Variants in BPTF observed in about 807,000 individuals in gnomAD.
BPTF encodes bromodomain PHD finger transcription factor, also known as nucleosome-remodeling factor subunit BPTF.
In BPTF, 18 loss-of-function variants were observed where a neutral mutation model predicts 292.5. That is an observed-to-expected ratio of 0.06 (90% CI 0.04 to 0.09). The LOEUF (loss-of-function observed/expected upper bound fraction) is 0.09. Ranked by LOEUF, BPTF falls within the 10% of genes least tolerant of loss-of-function variation. The probability of loss-of-function intolerance (pLI) is 1.00; values close to 1 mark genes in which losing one functional copy is unlikely to be tolerated. For synonymous variants in BPTF, 1,225 were observed against 1,251.9 expected (o/e 0.98, Z 0.45); for missense variants, 2,726 against 3,498.7 (o/e 0.78, Z 5.57).
chr17:67,975,518 G>T (rs1290517350), intron 26 of BPTF: 2 of 345,740 alleles, frequency 5.8e-6, no homozygotes, highest in Non-Finnish European at 1.0e-5. Context: ...AATGAAGAAC[G>T]GTTCTGTGCA....
Position 67,972,624 on chromosome 17 carries a change from G to A in BPTF, c.8540-3148G>A, listed in dbSNP as rs184504300. Among the ~76,000 whole-genome samples, 44 of 152,026 alleles carry A rather than the reference G, an allele frequency of 2.9e-4. 1 individual carries two copies. In the South Asian group the frequency reaches 4.4e-3, roughly 15 times the overall value. ...ATATGGTAGTTTTTAACATTTTTTGGAGTCATATCTATTAATCATTATAAA... is the reference window on the plus strand; with the variant it reads ...ATATGGTAGTTTTTAACATTTTTTGAAGTCATATCTATTAATCATTATAAA... On this transcript the variant is annotated intron_variant, in intron 26 of 27. Transcript: ENST00000306378.
rs552273815 is a variant in BPTF, at chr17:67,922,688, T to C, written c.5558-152T>C. 12 of 789,060 alleles carry C rather than the reference T, an allele frequency of 1.5e-5. No homozygotes were observed. The East Asian group carries it at 3.1e-4, about 20-fold the overall frequency. 48.9% of individuals were successfully genotyped at this position (789,060 alleles called of 1,614,324 possible). A position where few individuals can be genotyped will look rare whatever the true frequency, so the allele number is the denominator to read the frequency against. On this transcript the variant is annotated intron_variant, in intron 13 of 27. Transcript: ENST00000306378. ...CACTTACGTATTGTCTTTGGCTGCT[T>C]TCATGATACAAAGGCACAGCTGAGT...
intron 4 of BPTF, among the ~76,000 whole-genome samples, chr17:67,878,378 A>G (rs2060176036): frequency 6.6e-6 from 1 of 152,186 alleles, no homozygotes; most frequent in Non-Finnish European, 1.5e-5. Context: ...TTGTGCACAT[A>G]CATGTGCATT....
chr17:67,964,517 C>G (rs1280960060), intron 25 of BPTF, 113 bp downstream of exon 25: 1 of 1,291,218 alleles, frequency 7.7e-7, no homozygotes, highest in Non-Finnish European at 1.0e-6. Context: ...TGACTCCCAG[C>G]TAGTCTAGTG....
intron 1 of BPTF, among the ~76,000 whole-genome samples, chr17:67,826,604 C>G (rs956775297): frequency 5.7e-4 from 75 of 130,918 alleles, no homozygotes; most frequent in Non-Finnish European, 6.5e-4. Flanking sequence ...CCCTTTTTTT[C>G]CTCTTCAAAA....
chr17:67,836,459 C>T (rs1206750199), intron 1 of BPTF, among the ~76,000 whole-genome samples: 1 of 152,088 alleles, frequency 6.6e-6, no homozygotes, highest in Non-Finnish European at 1.5e-5. Flanking sequence ...TTCAGAAATG[C>T]ATGTATTAAT....
chr17:67,834,563 T>G (rs1487907248), intron 1 of BPTF, among the ~76,000 whole-genome samples: 4 of 152,162 alleles, frequency 2.6e-5, no homozygotes, highest in African/African-American at 7.2e-5. Context: ...GCAATCTTCA[T>G]GTATTTTGAG....
At chr17:67,882,476 C>T (rs1474920694) in intron 4 of BPTF, among the ~76,000 whole-genome samples, 2 of 152,190 alleles carry the variant, frequency 1.3e-5, no homozygotes, top group African/African-American at 4.8e-5. Context: ...GTTCCAGCAA[C>T]AGTAATTCAG....
Position 67,825,624 on chromosome 17 carries a change from G to T in BPTF, c.-101G>T. On this transcript the variant is annotated 5_prime_UTR_variant, in exon 1 of 28. Coordinates refer to ENST00000306378, the MANE Select transcript of BPTF (RefSeq NM_182641.4). ...TCCGTCGGCCGGGCCCCTCCCGCCC[G>T]GCCCCGCGGGCCTCCCCACCCGGCC... 2 of 171,242 alleles carry T rather than the reference G, an allele frequency of 1.2e-5. No individual in the cohort carries two copies. The highest frequency in any genetic ancestry group is 6.5e-5 in the South Asian group (2 of 30,600). 10.6% of individuals were successfully genotyped at this position (171,242 alleles called of 1,614,324 possible). A position where few individuals can be genotyped will look rare whatever the true frequency, so the allele number is the denominator to read the frequency against.
At chr17:67,837,457 G>A (rs2057221214) in intron 1 of BPTF, among the ~76,000 whole-genome samples, 1 of 151,840 alleles carries the variant, frequency 6.6e-6, no homozygotes. Context: ...GCCCAGGCTG[G>A]AGTGCAGTGG....
chr17:67,876,086 C>T (rs1258459085), intron 4 of BPTF, among the ~76,000 whole-genome samples: 1 of 152,100 alleles, frequency 6.6e-6, no homozygotes, highest in Non-Finnish European at 1.5e-5. Context: ...TCTGACCTTT[C>T]CAGTTCTGTA....
At chr17:67,931,785 A>G in intron 17 of BPTF, 126 bp from the exon 18 acceptor site, 1 of 618,978 alleles carries the variant, frequency 1.6e-6, no homozygotes, top group Non-Finnish European at 2.6e-6. Flanking sequence ...GTAATGTTCA[A>G]GAGCCCCTGT....
intron 4 of BPTF, among the ~76,000 whole-genome samples, chr17:67,883,132 G>A (rs1406644394): frequency 6.6e-6 from 1 of 151,896 alleles, no homozygotes; most frequent in Non-Finnish European, 1.5e-5. Flanking sequence ...GGCCATTATA[G>A]TGAAACCCTG....
intron 1 of BPTF, among the ~76,000 whole-genome samples, chr17:67,842,864 A>G (rs2057672402): frequency 6.6e-6 from 1 of 150,802 alleles, no homozygotes; most frequent in African/African-American, 2.4e-5. Context: ...AGAAAATCTA[A>G]GAGAATGTGT....
At chr17:67,917,898 A>G (rs945400000) in intron 11 of BPTF, among the ~76,000 whole-genome samples, 1 of 151,832 alleles carries the variant, frequency 6.6e-6, no homozygotes, top group Admixed American at 6.6e-5. Context: ...TGAAAGCTAC[A>G]CCTCCCAGGT....
chr17:67,873,712 A>G (rs896060699), intron 3 of BPTF, among the ~76,000 whole-genome samples: 1 of 152,208 alleles, frequency 6.6e-6, no homozygotes, highest in Non-Finnish European at 1.5e-5. Context: ...GCATTCACTC[A>G]TATACATATG....
rs976985862 is a variant in BPTF at position 67,971,049 on chromosome 17, C to T, written c.8539+4393C>T. ...GTCCTCCCAGGTACAGCTGATTCTC[C>T]CACCTCAGCCTTCTGAGTAGCGGGG... On this transcript the variant is annotated intron_variant, in intron 26 of 27. Coordinates refer to ENST00000306378, the MANE Select transcript of BPTF (RefSeq NM_182641.4). 9.2e-5 allele frequency among the ~76,000 whole-genome samples: 14 copies of T among 151,612 alleles called. No homozygotes were observed. In the East Asian group the frequency reaches 2.7e-3, roughly 29 times the overall value.
At chr17:67,947,253 G>A (rs1555675973) in intron 21 of BPTF, among the ~76,000 whole-genome samples, 1 of 152,160 alleles carries the variant, frequency 6.6e-6, no homozygotes, top group East Asian at 1.9e-4. Flanking sequence ...GCTTTACTGT[G>A]TATCTATAAA....
In BPTF at chr17:67,931,945, C is replaced by A; in HGVS notation, c.6185C>A (p.Thr2062Asn). Residue 2062 changes from threonine (T) to asparagine (N), a missense_variant, in exon 18 of 28, where the codon ACC becomes AAC. Physicochemically the swap from Thr to Asn is moderately conservative, Grantham distance 65. Coordinates refer to ENST00000306378, the MANE Select transcript of BPTF (RefSeq NM_182641.4). The part of the protein sequence containing the change: ...ITGPQIRPGM[T>N]VIRTPLQQST... ...GGGCCTCAGATTCGCCCTGGTATGACCGTGATTAGAACACCACTCCAACAG... is the reference window on the plus strand; with the variant it reads ...GGGCCTCAGATTCGCCCTGGTATGAACGTGATTAGAACACCACTCCAACAG... The A allele has an allele frequency of 6.2e-7, 1 of 1,613,954 alleles. No individual in the cohort carries two copies. The highest frequency in any genetic ancestry group is 8.5e-7 in the Non-Finnish European group (1 of 1,179,954).
Sources: allele counts gnomAD v4.1 joint callset (sites outside exome capture counted in the v4.1 genomes callset), GRCh38; gene constraint gnomAD v4.1.1; transcripts MANE v1.5; gene names NCBI Gene and HGNC (gene_info 2026-07-23, HGNC 2026-07-21).